NDUFA5: variants seen among roughly 807,000 people sequenced by gnomAD.
The protein encoded by NDUFA5 is NADH dehydrogenase [ubiquinone] 1 alpha subcomplex subunit 5.
A neutral mutation model predicts 19.8 loss-of-function variants in NDUFA5; 11 were observed. The ratio of observed to expected loss-of-function variants is 0.56; its 90% CI spans 0.35 to 0.92. The LOEUF (loss-of-function observed/expected upper bound fraction) is 0.92. NDUFA5 is among the 40% of genes least tolerant of loss of function. The pLI is 0.01. For missense variants in NDUFA5, 109 were observed against 134.2 expected, an observed-to-expected ratio of 0.81 and a Z score of 0.93; for synonymous variants, 47 against 46.8, an observed-to-expected ratio of 1.00 and a Z score of -0.01.
upstream of NDUFA5, chr7:123,557,940 C>G: frequency 7.1e-7 from 1 of 1,403,470 alleles, no homozygotes; most frequent in Admixed American, 2.0e-5. Context: ...AAGACTCTGC[C>G]CCGCCCATCT....
chr7:123,568,510 A>G, the NDUFA5 span, among the ~76,000 whole-genome samples: 4 of 151,726 alleles, frequency 2.6e-5, no homozygotes, highest in East Asian at 3.9e-4. Context: ...AACAAGAGCG[A>G]AAGTCCATCT....
intron 4 of NDUFA5, among the ~76,000 whole-genome samples, chr7:123,544,030 C>T (rs1007044573): frequency 4.6e-5 from 7 of 152,146 alleles, no homozygotes; most frequent in African/African-American, 7.2e-5. Context: ...TTCCTTTTAT[C>T]TGTCCTTCAA....
upstream of NDUFA5, chr7:123,558,199 A>G (rs1289125531): frequency 4.1e-6 from 1 of 243,326 alleles, no homozygotes; most frequent in Non-Finnish European, 8.1e-6. Context: ...TGAAAGTGAT[A>G]ACGGAGCTTG....
At chr7:123,562,324 G>T (rs1180628738), upstream of NDUFA5, among the ~76,000 whole-genome samples, 1 of 152,074 alleles carries the variant, frequency 6.6e-6, no homozygotes, top group Admixed American at 6.6e-5. Flanking sequence ...AGCTGCATAA[G>T]CCTGTAACAA....
chr7:123,586,296 T>C, the NDUFA5 span, among the ~76,000 whole-genome samples: 1 of 151,802 alleles, frequency 6.6e-6, no homozygotes, highest in Non-Finnish European at 1.5e-5. Flanking sequence ...TGCTGTCTCT[T>C]TGTGGTTTTC....
intron 2 of NDUFA5, 97 bp from the exon 3 acceptor site, chr7:123,550,683 C>CTT: frequency 7.7e-6 from 5 of 648,090 alleles, no homozygotes; most frequent in Middle Eastern, 2.7e-4. Flanking sequence ...AAACTCACAT[C>CTT]TGTTTTTTTT....
chr7:123,557,504 C>G (rs1238472159), intron 1 of NDUFA5, 56 bp from the exon 2 acceptor site: 1 of 1,612,602 alleles, frequency 6.2e-7, no homozygotes, highest in African/African-American at 1.3e-5. Context: ...ATACATCCAG[C>G]ACGCTAAGGA....
chr7:123,598,618 T>G, the NDUFA5 span, among the ~76,000 whole-genome samples: 2 of 152,204 alleles, frequency 1.3e-5, no homozygotes, highest in African/African-American at 2.4e-5. Context: ...GAACAAGTCA[T>G]CAGTGTTCAA....
chr7:123,578,756 T>C, the NDUFA5 span, among the ~76,000 whole-genome samples: 1,059 of 152,246 alleles, frequency 7.0e-3, 6 homozygotes, highest in Non-Finnish European at 0.011. Flanking sequence ...TCCACCTTCC[T>C]CTTATAGATT....
chr7:123,595,081 C>A, the NDUFA5 span, among the ~76,000 whole-genome samples: 1 of 152,182 alleles, frequency 6.6e-6, no homozygotes, highest in Non-Finnish European at 1.5e-5. Context: ...TAGCAGCAAG[C>A]AAGGCTCCGT....
rs1442240951 is a variant in NDUFA5 at position 123,557,595 on chromosome 7, T to C, written c.22-147A>G. On this transcript the variant is annotated intron_variant, in intron 1 of 4. Transcript: ENST00000355749. ...CTCAGTCTCGCTTGTTTGGAGCTTT[T>C]TTCCTGACTCTCGGAGCGGAACCAC... 3.1e-6 allele frequency: 5 copies of C among 1,613,276 alleles called. No individual in the cohort carries two copies. In the South Asian group the frequency reaches 5.5e-5, roughly 18 times the overall value.
chr7:123,544,736 A>G (rs1798065422), intron 4 of NDUFA5, among the ~76,000 whole-genome samples: 1 of 146,960 alleles, frequency 6.8e-6, no homozygotes, highest in African/African-American at 2.5e-5. Context: ...TAACCTTACT[A>G]GCAATTGGAG....
the NDUFA5 span, among the ~76,000 whole-genome samples, chr7:123,563,148 T>C: frequency 6.6e-6 from 1 of 152,150 alleles, no homozygotes; most frequent in African/African-American, 2.4e-5. Flanking sequence ...GCACTTTTAA[T>C]TTTCTTCAAG....
At chr7:123,579,554 C>A in the NDUFA5 span, among the ~76,000 whole-genome samples, 2 of 152,038 alleles carry the variant, frequency 1.3e-5, no homozygotes, top group South Asian at 4.1e-4. Flanking sequence ...ATCTGCCCCA[C>A]TGTAGCCTGA....
chr7:123,582,371 C>T, the NDUFA5 span, among the ~76,000 whole-genome samples: 3 of 151,956 alleles, frequency 2.0e-5, no homozygotes, highest in Non-Finnish European at 4.4e-5. Context: ...AATAACACCA[C>T]TACCCTAGTG....
At position 123,537,928 on chromosome 7, in the gene NDUFA5, T is replaced by C. The variant is rs914313031; in HGVS notation, c.*4191A>G. 1 of 152,224 alleles carries C rather than the reference T, an allele frequency of 6.6e-6. No homozygotes were observed. The highest frequency in any genetic ancestry group is 1.5e-5 in the Non-Finnish European group (1 of 68,036). 9.4% of individuals were successfully genotyped at this position (152,224 alleles called of 1,614,324 possible). A position where few individuals can be genotyped will look rare whatever the true frequency, so the allele number is the denominator to read the frequency against. ...AAAATAGAAATCTTTGCAATGCTTT[T>C]CATTTAATTATATACAGATGCCAAT... On this transcript the variant is annotated 3_prime_UTR_variant, in exon 5 of 5. Transcript: ENST00000355749.
At chr7:123,596,181 T>TG in the NDUFA5 span, among the ~76,000 whole-genome samples, 1 of 151,810 alleles carries the variant, frequency 6.6e-6, no homozygotes, top group Non-Finnish European at 1.5e-5. Context: ...AAAAAAAAAT[T>TG]GGGGGGAGGC....
chr7:123,551,528 G>A, intron 2 of NDUFA5: 1 of 978,142 alleles, frequency 1.0e-6, no homozygotes, highest in African/African-American at 1.8e-5. Flanking sequence ...TTCAAAGTGA[G>A]GTCCGAAGCA....
At chr7:123,577,909 AT>A in the NDUFA5 span, among the ~76,000 whole-genome samples, 1 of 151,984 alleles carries the variant, frequency 6.6e-6, no homozygotes, top group Admixed American at 6.6e-5. Flanking sequence ...TTTAAAAATT[AT>A]ACTTTAAGTT....
Sources: gnomAD v4.1 joint callset for allele counts (sites outside exome capture counted in the v4.1 genomes callset) on GRCh38, gnomAD v4.1.1 for gene constraint, MANE v1.5 for transcripts, NCBI Gene and HGNC (gene_info 2026-07-23, HGNC 2026-07-21) for gene names.